SCN9A: variants seen among roughly 807,000 people sequenced by gnomAD.
The protein encoded by SCN9A is sodium channel protein type 9 subunit alpha.
SCN9A carries 131 observed loss-of-function variants against 187.0 expected under a neutral mutation model. The ratio of observed to expected loss-of-function variants is 0.70; its 90% confidence interval spans 0.61 to 0.81. The LOEUF (loss-of-function observed/expected upper bound fraction) is 0.81. Ranked by LOEUF, SCN9A falls within the 30% of genes least tolerant of loss-of-function variation. The pLI is 0.00. For missense variants in SCN9A, 2,252 were observed against 2,396.6 expected, an observed-to-expected ratio of 0.94 and a Z score of 1.26; for synonymous variants, 809 against 808.6, an observed-to-expected ratio of 1.00 and a Z score of -0.01.
At position 166,306,533 on chromosome 2, in the gene SCN9A, T is replaced by C. The variant is rs9646771; in HGVS notation, c.444A>G (p.Pro148=). ...ACTCGACATTTTTGGTCCAGTCCGGTGGGTTATTCATGGTCATAAATATGC... is the reference window on the plus strand; with the variant it reads ...ACTCGACATTTTTGGTCCAGTCCGGCGGGTTATTCATGGTCATAAATATGC... The part of the protein sequence containing the change: ...TNCIFMTMNN[P]PDWTKNVEYT... The change falls in exon 4 of 27, where the codon CCA becomes CCG. Residue 148 remains proline, a synonymous_variant. Transcript: ENST00000642356. 1,028,301 of 1,569,836 alleles carry C rather than the reference T, an allele frequency of 0.66. 340,100 individuals are homozygous for C. The highest frequency in any genetic ancestry group is 0.84 in the African/African-American group (62,321 of 74,342).
At chr2:166,225,462 G>A (rs995323465) in intron 24 of SCN9A, among the ~76,000 whole-genome samples, 2 of 152,036 alleles carry the variant, frequency 1.3e-5, no homozygotes, top group African/African-American at 2.4e-5. Context: ...AAGATACATC[G>A]AATTTACTAC....
In SCN9A at chr2:166,226,615, G is replaced by A; in HGVS notation, c.4350C>T (p.Asn1450=). The A allele has an allele frequency of 6.3e-7, 1 of 1,587,984 alleles. No homozygotes were observed. The highest frequency in any genetic ancestry group is 8.6e-7 in the Non-Finnish European group (1 of 1,166,200). Residue 1450 remains asparagine, a synonymous_variant, in exon 24 of 27, where the codon AAC becomes AAT. Coordinates refer to ENST00000642356, the MANE Select transcript of SCN9A (RefSeq NM_001365536.1). ...TATCTATGATGACACCAATGAACAA[G>A]TTCAAAGTGAAGAATGACCCAAAGA... The part of the protein sequence containing the change: ...FIIFGSFFTL[N]LFIGVIIDNF...
chr2:166,331,782 T>G (rs1471155732), intron 1 of SCN9A, among the ~76,000 whole-genome samples: 1 of 152,224 alleles, frequency 6.6e-6, no homozygotes, highest in African/African-American at 2.4e-5. Flanking sequence ...TAATTTCTGT[T>G]TATTTTATTG....
At chr2:166,266,409 T>C (rs1409159487) in intron 17 of SCN9A, among the ~76,000 whole-genome samples, 1 of 151,422 alleles carries the variant, frequency 6.6e-6, no homozygotes, top group Non-Finnish European at 1.5e-5. Context: ...TCTATTCTTA[T>C]GTATTGCTCT....
At chr2:166,353,674 C>G (rs942094780) in intron 1 of SCN9A, among the ~76,000 whole-genome samples, 1 of 152,138 alleles carries the variant, frequency 6.6e-6, no homozygotes, top group Non-Finnish European at 1.5e-5. Flanking sequence ...GATCTGACTT[C>G]GCCTCCTTCC....
At chr2:166,217,544 G>A (rs1351674474) in intron 24 of SCN9A, among the ~76,000 whole-genome samples, 3 of 151,976 alleles carry the variant, frequency 2.0e-5, no homozygotes, top group African/African-American at 7.2e-5. Context: ...ATTGTAGAAT[G>A]GGCAAATAAT....
chr2:166,359,265 T>G (rs1395145647), intron 1 of SCN9A, among the ~76,000 whole-genome samples: 1 of 152,148 alleles, frequency 6.6e-6, no homozygotes, highest in Non-Finnish European at 1.5e-5. Context: ...ATTTTTATTT[T>G]CATTGGGATT....
rs1360438828 is a variant in SCN9A, at chr2:166,199,409, T to C, written c.5230A>G (p.Ile1744Val). 2 of 1,614,198 alleles carry C rather than the reference T, an allele frequency of 1.2e-6. No individual in the cohort carries two copies. Among genetic ancestry groups the C allele is most frequent in the South Asian group, 1.1e-5 (1 of 91,084 alleles). Reference sequence around the variant, plus strand: ...ACCACAACCAGGAAGGATATGATGATATAACTAACAAAGTAGAATATTCCA... The same window carrying C: ...ACCACAACCAGGAAGGATATGATGACATAACTAACAAAGTAGAATATTCCA... ...SVGIFYFVSY[I>V]IISFLVVVNM... The change falls in exon 27 of 27, where the codon ATC becomes GTC. Residue 1744 changes from isoleucine (I) to valine (V), a missense_variant. Coordinates refer to ENST00000642356, the MANE Select transcript of SCN9A (RefSeq NM_001365536.1).
At chr2:166,363,424 T>C (rs1296489941) in intron 1 of SCN9A, among the ~76,000 whole-genome samples, 1 of 151,938 alleles carries the variant, frequency 6.6e-6, no homozygotes, top group Non-Finnish European at 1.5e-5. Flanking sequence ...AAATGAAGGG[T>C]CCCTAAATTC....
intron 24 of SCN9A, among the ~76,000 whole-genome samples, chr2:166,217,445 C>A (rs1197529663): frequency 6.6e-6 from 1 of 151,864 alleles, no homozygotes; most frequent in African/African-American, 2.4e-5. Flanking sequence ...AATAAAATAT[C>A]TGCAAACCAT....
At chr2:166,284,293 G>A (rs1697626594) in intron 12 of SCN9A, among the ~76,000 whole-genome samples, 160 bp downstream of exon 12, 1 of 152,150 alleles carries the variant, frequency 6.6e-6, no homozygotes, top group Non-Finnish European at 1.5e-5. Flanking sequence ...ACAACACATA[G>A]AATGAGGATT....
chr2:166,251,718 G>A (rs769268610), intron 18 of SCN9A, 47 bp downstream of exon 18: 1 of 1,608,384 alleles, frequency 6.2e-7, no homozygotes, highest in South Asian at 1.1e-5. Context: ...ACAAACCCCA[G>A]AACACTAATT....
chr2:166,251,920 A>G (rs772069373), intron 17 of SCN9A, 35 bp from the exon 18 acceptor site: 3 of 1,608,948 alleles, frequency 1.9e-6, no homozygotes, highest in Non-Finnish European at 2.5e-6. Flanking sequence ...CAGGTAGTTC[A>G]TTTAGAGTTC....
At chr2:166,243,506 G>T (rs1274137967) in intron 18 of SCN9A, among the ~76,000 whole-genome samples, 1 of 152,044 alleles carries the variant, frequency 6.6e-6, no homozygotes, top group East Asian at 1.9e-4. Context: ...TATTTCTTGA[G>T]AAAGAGAGAT....
Position 166,277,291 on chromosome 2 carries a change from T to C in SCN9A, c.2566A>G (p.Ile856Val), listed in dbSNP as rs1218485798. 1 of 1,613,432 alleles carries C rather than the reference T, an allele frequency of 6.2e-7. No homozygotes were observed. Among genetic ancestry groups the C allele is most frequent in the Non-Finnish European group, 8.5e-7 (1 of 1,179,518 alleles). The change falls in exon 16 of 27, where the codon ATT becomes GTT. Residue 856 changes from isoleucine to valine, a missense_variant. Physicochemically the swap from Ile to Val is conservative, Grantham distance 29. Coordinates refer to ENST00000642356, the MANE Select transcript of SCN9A (RefSeq NM_001365536.1). ...AKSWPTLNMLIKIIGNSVGAL... is the reference protein window; with the variant it reads ...AKSWPTLNMLVKIIGNSVGAL... ...CCTACTGAGTTACCAATGATCTTAATCAGCATGTTCAATGTTGGCCAGGAT... is the reference window on the plus strand; with the variant it reads ...CCTACTGAGTTACCAATGATCTTAACCAGCATGTTCAATGTTGGCCAGGAT...
At chr2:166,325,693 A>G (rs1699346214) in intron 1 of SCN9A, among the ~76,000 whole-genome samples, 1 of 152,172 alleles carries the variant, frequency 6.6e-6, no homozygotes. Context: ...GTTAAGGTAC[A>G]AAAGGCTGAC....
At chr2:166,315,334 T>C (rs1699082780) in intron 1 of SCN9A, among the ~76,000 whole-genome samples, 2 of 152,206 alleles carry the variant, frequency 1.3e-5, no homozygotes, top group African/African-American at 4.8e-5. Context: ...CAGATGTCCA[T>C]TACCAGTTTG....
intron 26 of SCN9A, among the ~76,000 whole-genome samples, chr2:166,200,394 T>C (rs930492651): frequency 6.6e-6 from 1 of 152,188 alleles, no homozygotes; most frequent in African/African-American, 2.4e-5. Flanking sequence ...TTTCTCCTTT[T>C]TACTAAGTTC....
intron 3 of SCN9A, 116 bp downstream of exon 3, chr2:166,306,840 A>G: frequency 1.5e-6 from 1 of 656,234 alleles, no homozygotes; most frequent in Non-Finnish European, 2.7e-6. Flanking sequence ...TACTGAAATT[A>G]ATAAACTAAA....
Sources: gnomAD v4.1 joint callset for allele counts (sites outside exome capture counted in the v4.1 genomes callset) on GRCh38, gnomAD v4.1.1 for gene constraint, MANE v1.5 for transcripts, NCBI Gene and HGNC (gene_info 2026-07-23, HGNC 2026-07-21) for gene names.